ANTXR2: variants seen among roughly 807,000 people sequenced by gnomAD.
The protein encoded by ANTXR2 is anthrax toxin receptor 2.
ANTXR2 carries 44 observed loss-of-function variants against 73.7 expected under a neutral mutation model. The ratio of observed to expected loss-of-function variants is 0.60; its 90% confidence interval spans 0.47 to 0.77. The LOEUF is 0.77. ANTXR2 is among the 30% of genes least tolerant of loss of function. The probability of loss-of-function intolerance (pLI) is 0.00; values close to 1 mark genes in which losing one functional copy is unlikely to be tolerated. For missense variants in ANTXR2, 604 were observed against 592.5 expected (o/e 1.02, Z -0.20); for synonymous variants, 217 against 205.9 (o/e 1.05, Z -0.46).
intron 16 of ANTXR2, among the ~76,000 whole-genome samples, chr4:79,961,367 C>T (rs1043928675): frequency 5.3e-5 from 8 of 152,144 alleles, no homozygotes; most frequent in Admixed American, 2.0e-4. Flanking sequence ...CACAGCCATA[C>T]GTTGAGCCTC....
intron 7 of ANTXR2, among the ~76,000 whole-genome samples, chr4:80,047,093 T>C (rs560910978): frequency 6.6e-6 from 1 of 151,906 alleles, no homozygotes; most frequent in African/African-American, 2.4e-5. Context: ...TTTATCTGTG[T>C]AACCAAATGT....
intron 9 of ANTXR2, among the ~76,000 whole-genome samples, chr4:80,031,960 A>G (rs1047521445): frequency 8.6e-5 from 13 of 151,680 alleles, no homozygotes; most frequent in Admixed American, 2.0e-4. Flanking sequence ...TATAAAATAT[A>G]TTTTCTCTTA....
At chr4:79,964,571 G>C (rs1729276284) in intron 16 of ANTXR2, 3 of 152,304 alleles carry the variant, frequency 2.0e-5, no homozygotes, top group Non-Finnish European at 4.4e-5. Context: ...TTCTGTCCTC[G>C]TCTCCCCACC....
At chr4:80,071,725 C>G in intron 1 of ANTXR2, 71 bp from the exon 2 acceptor site, 1 of 1,297,072 alleles carries the variant, frequency 7.7e-7, no homozygotes, top group Non-Finnish European at 1.1e-6. Context: ...TGAAATGGTT[C>G]CTTCTTCAAT....
chr4:80,030,541 A>G (rs1208861945), intron 10 of ANTXR2, among the ~76,000 whole-genome samples: 1 of 152,094 alleles, frequency 6.6e-6, no homozygotes, highest in Non-Finnish European at 1.5e-5. Context: ...TACATGATAC[A>G]GAAAACGAAT....
Position 79,950,330 on chromosome 4 carries a change from T to G in ANTXR2, c.1428+27291A>C, listed in dbSNP as rs111861079. On this transcript the variant is annotated intron_variant, in intron 16 of 16. Coordinates refer to ENST00000403729, the MANE Select transcript of ANTXR2 (RefSeq NM_058172.6). ...TTAAGACCCCATAGACCCTCATCTC[T>G]TAGTTATTACCCTTGTCGATTTACA... Among the ~76,000 whole-genome samples, 200 of 152,252 alleles carry G rather than the reference T, an allele frequency of 1.3e-3. 3 individuals carry two copies. The highest frequency in any genetic ancestry group is 4.6e-3 in the African/African-American group (192 of 41,554).
intron 11 of ANTXR2, among the ~76,000 whole-genome samples, chr4:80,009,042 T>A (rs1324543774): frequency 6.6e-6 from 1 of 152,182 alleles, no homozygotes; most frequent in Non-Finnish European, 1.5e-5. Flanking sequence ...AGTTAAATAA[T>A]AAGATGAATA....
intron 16 of ANTXR2, among the ~76,000 whole-genome samples, chr4:79,915,858 C>CTATATATA (rs1248612325): frequency 0.015 from 1,732 of 117,382 alleles, 19 homozygotes; most frequent in East Asian, 0.022. Context: ...CTCTCTCTCT[C>CTATATATA]TCTCTATATA....
Position 79,993,377 on chromosome 4 carries a change from A to C in ANTXR2, c.1042-8514T>G, listed in dbSNP as rs149104377. On this transcript the variant is annotated intron_variant, in intron 12 of 16. Transcript: ENST00000403729. ...GAGAGAATAAAGAAGGAGGAAGGGA[A>C]GGAAGGAGATAGACTGCAGAGGGAA... Among the ~76,000 whole-genome samples, 462 of 151,852 alleles carry C rather than the reference A, an allele frequency of 3.0e-3. 3 individuals carry two copies. The highest frequency in any genetic ancestry group is 0.01 in the African/African-American group (427 of 41,460).
chr4:80,017,362 T>C (rs1731922808), intron 11 of ANTXR2, among the ~76,000 whole-genome samples: 2 of 152,216 alleles, frequency 1.3e-5, no homozygotes, highest in South Asian at 4.1e-4. Flanking sequence ...AAAGCCTTCC[T>C]TCTTACGGAG....
chr4:80,055,409 A>C lies in ANTXR2; in HGVS notation c.437T>G (p.Leu146Arg). Residue 146 changes from leucine to arginine, a missense_variant, in exon 5 of 17, where the codon CTG becomes CGG. Leu to Arg is a moderately radical substitution (Grantham distance 102). Coordinates refer to ENST00000403729, the MANE Select transcript of ANTXR2 (RefSeq NM_058172.6). Reference protein sequence around the residue: ...GLKTSSIIIALTDGKLDGLVP... With the variant: ...GLKTSSIIIARTDGKLDGLVP... ...CAGACCGTCCAACTTGCCATCTGTCAGAGCAATTATGATACTGGAGGTTTT... is the reference window on the plus strand; with the variant it reads ...CAGACCGTCCAACTTGCCATCTGTCCGAGCAATTATGATACTGGAGGTTTT... 1 of 1,611,288 alleles carries C rather than the reference A, an allele frequency of 6.2e-7. No homozygotes were observed. Among genetic ancestry groups the C allele is most frequent in the Non-Finnish European group, 8.5e-7 (1 of 1,178,398 alleles).
chr4:80,001,877 C>A (rs1041818759), intron 12 of ANTXR2, among the ~76,000 whole-genome samples: 3 of 151,308 alleles, frequency 2.0e-5, no homozygotes, highest in Non-Finnish European at 3.0e-5. Flanking sequence ...GCAACCCCTG[C>A]CTTTTTTTGT....
At chr4:79,937,442 G>A (rs1399413455) in intron 16 of ANTXR2, among the ~76,000 whole-genome samples, 1 of 152,148 alleles carries the variant, frequency 6.6e-6, no homozygotes, top group East Asian at 1.9e-4. Flanking sequence ...CATACTCACA[G>A]AAAGCTTTTT....
At chr4:79,985,061 G>C (rs1054781360) in intron 12 of ANTXR2, among the ~76,000 whole-genome samples, 198 bp from the exon 13 acceptor site, 4 of 151,976 alleles carry the variant, frequency 2.6e-5, no homozygotes, top group Admixed American at 6.6e-5. Flanking sequence ...GAAAAAGGTT[G>C]AAGTGGGCCA....
chr4:80,022,445 G>A (rs567671960), intron 10 of ANTXR2, among the ~76,000 whole-genome samples: 11 of 152,262 alleles, frequency 7.2e-5, no homozygotes, highest in Non-Finnish European at 1.3e-4. Flanking sequence ...CATTAAGCTA[G>A]AGCCTTTGCC....
chr4:79,988,712 G>A (rs1383717043), intron 12 of ANTXR2, among the ~76,000 whole-genome samples: 1 of 151,928 alleles, frequency 6.6e-6, no homozygotes, highest in African/African-American at 2.4e-5. Flanking sequence ...TCTGCATATG[G>A]CACATACTCT....
chr4:79,911,261 T>C (rs1181778005), intron 16 of ANTXR2, among the ~76,000 whole-genome samples: 1 of 152,156 alleles, frequency 6.6e-6, no homozygotes, highest in Non-Finnish European at 1.5e-5. Flanking sequence ...GTTATCAAGG[T>C]AGCAAGCAAA....
In ANTXR2 at chr4:80,031,645, G is replaced by T; in HGVS notation, c.844C>A (p.Pro282Thr). ...TACTCTCCAGCTTTATTCAGGATAGGTGCAGGACAAAGCATAGAATTAAGC... is the reference window on the plus strand; with the variant it reads ...TACTCTCCAGCTTTATTCAGGATAGTTGCAGGACAAAGCATAGAATTAAGC... ...VQLNSMLCPA[P>T]ILNKAGETLD... The change falls in exon 10 of 17, where the codon CCT becomes ACT. Residue 282 changes from proline to threonine, a missense_variant. Transcript: ENST00000403729. The T allele has an allele frequency of 2.0e-6, 3 of 1,528,098 alleles. No homozygotes were observed. The highest frequency in any genetic ancestry group is 2.6e-6 in the Non-Finnish European group (3 of 1,145,430). 94.7% of individuals were successfully genotyped at this position (1,528,098 alleles called of 1,614,324 possible).
At chr4:80,023,797 C>CA (rs1732289556) in intron 10 of ANTXR2, among the ~76,000 whole-genome samples, 4 of 152,086 alleles carry the variant, frequency 2.6e-5, no homozygotes, top group Admixed American at 6.5e-5. Flanking sequence ...AGTACTCCAG[C>CA]AACAAAAGAG....
Sources: gnomAD v4.1 joint callset for allele counts (sites outside exome capture counted in the v4.1 genomes callset) on GRCh38, gnomAD v4.1.1 for gene constraint, MANE v1.5 for transcripts, NCBI Gene and HGNC (gene_info 2026-07-23, HGNC 2026-07-21) for gene names.